Variants in CEMIP observed in about 807,000 individuals in gnomAD.
The protein encoded by CEMIP is cell migration inducing hyaluronidase 1, also known as cell migration-inducing and hyaluronan-binding protein.
Under a neutral mutation model 156.9 loss-of-function variants are expected in CEMIP, and 105 were observed. That is an observed-to-expected ratio of 0.67 (90% CI 0.57 to 0.79). The LOEUF is 0.79. CEMIP is among the 30% of genes least tolerant of loss of function. The pLI is 0.00. For synonymous variants in CEMIP, 676 were observed against 668.4 expected (o/e 1.01, Z -0.17); for missense variants, 1,457 against 1,769.4 (o/e 0.82, Z 3.17).
At chr15:80,790,581 G>C (rs1483266405) in intron 1 of CEMIP, among the ~76,000 whole-genome samples, 1 of 152,114 alleles carries the variant, frequency 6.6e-6, no homozygotes, top group East Asian at 1.9e-4. Context: ...GCTCCAGGTG[G>C]GGGTCACTCG....
intron 1 of CEMIP, among the ~76,000 whole-genome samples, chr15:80,785,487 C>A (rs1276406848): frequency 6.6e-6 from 1 of 152,158 alleles, no homozygotes; most frequent in Non-Finnish European, 1.5e-5. Context: ...TTTTGATCAT[C>A]TTCTATGAGG....
chr15:80,900,638 G>GTGTGTGTGTGTGTGTCTGTGTGTGTGTC (rs1567090910), intron 12 of CEMIP, among the ~76,000 whole-genome samples: 78 of 101,796 alleles, frequency 7.7e-4, no homozygotes, highest in Non-Finnish European at 1.1e-3. Flanking sequence ...GTGTGTGTGT[G>GTGTGTGTGTGTGTGTCTGTGTGTGTGTC]TGTGTGTGTG....
At chr15:80,842,153 G>A (rs560875065) in intron 1 of CEMIP, 1 of 498,122 alleles carries the variant, frequency 2.0e-6, no homozygotes, top group South Asian at 1.5e-5. Context: ...GGTACCATTT[G>A]TACGTGTATT....
chr15:80,846,703 G>A (rs901887707), intron 1 of CEMIP, among the ~76,000 whole-genome samples: 2 of 151,964 alleles, frequency 1.3e-5, no homozygotes, highest in East Asian at 1.9e-4. Flanking sequence ...CCACTAGGTG[G>A]GGCAGGATTT....
At chr15:80,890,530 T>C (rs1899001982) in intron 10 of CEMIP, among the ~76,000 whole-genome samples, 1 of 150,334 alleles carries the variant, frequency 6.7e-6, no homozygotes, top group African/African-American at 2.5e-5. Flanking sequence ...GAGGTTGTGG[T>C]GAGCTGAGAT....
At chr15:80,849,894 C>T (rs796535985) in intron 1 of CEMIP, among the ~76,000 whole-genome samples, 3 of 152,294 alleles carry the variant, frequency 2.0e-5, no homozygotes, top group South Asian at 2.1e-4. Flanking sequence ...TGGCCCACTG[C>T]GCCTGATACA....
intron 1 of CEMIP, among the ~76,000 whole-genome samples, chr15:80,807,982 T>A (rs1050186749): frequency 1.6e-4 from 25 of 152,312 alleles, no homozygotes; most frequent in African/African-American, 6.0e-4. Flanking sequence ...ATCTTCCCTC[T>A]CTGTGTCTCC....
At chr15:80,801,902 T>G (rs1896386719) in intron 1 of CEMIP, among the ~76,000 whole-genome samples, 1 of 152,212 alleles carries the variant, frequency 6.6e-6, no homozygotes, top group South Asian at 2.1e-4. Context: ...GCATTTACAT[T>G]GTATTAGGTA....
intron 1 of CEMIP, among the ~76,000 whole-genome samples, chr15:80,837,237 G>A (rs1175062730): frequency 2.0e-5 from 3 of 152,192 alleles, no homozygotes; most frequent in South Asian, 2.1e-4. Flanking sequence ...ACGCACAGAT[G>A]GGGGAGAGTG....
intron 19 of CEMIP, among the ~76,000 whole-genome samples, chr15:80,926,056 GGAA>G (rs1900654526): frequency 6.6e-6 from 1 of 152,216 alleles, no homozygotes; most frequent in South Asian, 2.1e-4. Context: ...GCTAAGGGAG[GGAA>G]GAAGAAAGAA....
intron 14 of CEMIP, among the ~76,000 whole-genome samples, chr15:80,919,339 C>T (rs866492016): frequency 6.6e-6 from 1 of 152,170 alleles, no homozygotes; most frequent in African/African-American, 2.4e-5. Flanking sequence ...CTGTGGAGTC[C>T]CTCCACGGTA....
chr15:80,898,232 A>G (rs1899312698), intron 12 of CEMIP, among the ~76,000 whole-genome samples: 1 of 152,248 alleles, frequency 6.6e-6, no homozygotes, highest in Non-Finnish European at 1.5e-5. Context: ...CAGGAATGCC[A>G]GTTATTTGCT....
At chr15:80,917,247 C>T (rs1464772433) in intron 14 of CEMIP, among the ~76,000 whole-genome samples, 4 of 151,976 alleles carry the variant, frequency 2.6e-5, no homozygotes, top group Non-Finnish European at 5.9e-5. Context: ...ATGATCCACA[C>T]AGTAGAGTAA....
intron 1 of CEMIP, among the ~76,000 whole-genome samples, chr15:80,825,681 C>G (rs1171034179): frequency 6.6e-6 from 1 of 152,216 alleles, no homozygotes; most frequent in Non-Finnish European, 1.5e-5. Context: ...AAGTGTCCAT[C>G]AGCGATTTCA....
At chr15:80,873,300 C>T (rs930447646) in intron 1 of CEMIP, among the ~76,000 whole-genome samples, 1 of 152,190 alleles carries the variant, frequency 6.6e-6, no homozygotes, top group African/African-American at 2.4e-5. Context: ...GGGCTTATAA[C>T]ATGTGGGCAT....
At chr15:80,837,597 C>T (rs1897296334) in intron 1 of CEMIP, among the ~76,000 whole-genome samples, 1 of 152,206 alleles carries the variant, frequency 6.6e-6, no homozygotes, top group Admixed American at 6.5e-5. Context: ...CAAGAAGTTG[C>T]CACTGGTTGG....
intron 7 of CEMIP, 151 bp downstream of exon 7, chr15:80,884,505 T>C: frequency 1.2e-6 from 1 of 822,614 alleles, no homozygotes; most frequent in Non-Finnish European, 2.1e-6. Context: ...ACATCTGAGT[T>C]TGGCATATTT....
chr15:80,886,473 A>G (rs1375100282), intron 7 of CEMIP, among the ~76,000 whole-genome samples: 2 of 152,204 alleles, frequency 1.3e-5, no homozygotes, highest in Non-Finnish European at 2.9e-5. Flanking sequence ...TTTCCAAGAC[A>G]AGAGATCAAA....
Position 80,920,301 on chromosome 15 carries a change from T to A in CEMIP, c.2003+2T>A. On this transcript the variant is annotated splice_donor_variant, in intron 15 of 29. Coordinates refer to ENST00000394685, the MANE Select transcript of CEMIP (RefSeq NM_001293298.2). LOFTEE classifies it high-confidence loss of function. ...CCCCAAGCCCAGGCAAGACTGCAAG[T>A]AAGTGCCTGGACCCCTCTCTGTGTG... 9 of 1,613,148 alleles carry A rather than the reference T, an allele frequency of 5.6e-6. No individual in the cohort carries two copies. Among genetic ancestry groups the A allele is most frequent in the Non-Finnish European group, 6.8e-6 (8 of 1,179,146 alleles).
Sources: allele counts gnomAD v4.1 joint callset (sites outside exome capture counted in the v4.1 genomes callset), GRCh38; gene constraint gnomAD v4.1.1; transcripts MANE v1.5; gene names NCBI Gene and HGNC (gene_info 2026-07-23, HGNC 2026-07-21).